Variants in PDIA6 observed in about 807,000 individuals in gnomAD.
The protein encoded by PDIA6 is protein disulfide-isomerase A6.
A neutral mutation model predicts 58.4 loss-of-function variants in PDIA6; 29 were observed. The ratio of observed to expected loss-of-function variants is 0.50; its 90% CI spans 0.37 to 0.68. The LOEUF is 0.68. PDIA6 is among the 30% of genes least tolerant of loss of function. PDIA6 has a pLI of 0.00. For synonymous variants in PDIA6, 192 were observed against 202.6 expected (o/e 0.95, Z 0.44); for missense variants, 480 against 551.0 (o/e 0.87, Z 1.29).
chr2:10,784,250 T>C lies in PDIA6; in HGVS notation c.*8A>G, dbSNP rs754632785. On this transcript the variant is annotated 3_prime_UTR_variant, in exon 13 of 13. Coordinates refer to ENST00000272227, the MANE Select transcript of PDIA6 (RefSeq NM_005742.4). ...AAAGAAAATGGTCTGAAGCCTCTGT[T>C]GTGGCTCTCACAACTCATCTTTCCC... 1 of 1,609,832 alleles carries C rather than the reference T, an allele frequency of 6.2e-7. No individual in the cohort carries two copies. The highest frequency in any genetic ancestry group is 1.1e-5 in the South Asian group (1 of 90,674).
intron 3 of PDIA6, 105 bp downstream of exon 3, chr2:10,797,595 C>A: frequency 1.3e-6 from 1 of 773,944 alleles, no homozygotes; most frequent in Non-Finnish European, 2.2e-6. Flanking sequence ...AACATTAAAC[C>A]ATCTGCATAC....
At chr2:10,810,261 A>G in intron 1 of PDIA6, 1 of 1,519,390 alleles carries the variant, frequency 6.6e-7, no homozygotes, top group South Asian at 1.2e-5. Flanking sequence ...ATATAATTAG[A>G]TAGACCCAAA....
chr2:10,792,401 G>C (rs903492886), intron 5 of PDIA6, among the ~76,000 whole-genome samples: 1 of 152,160 alleles, frequency 6.6e-6, no homozygotes, highest in Non-Finnish European at 1.5e-5. Flanking sequence ...AGTCAGCATT[G>C]CTTTCTGTTG....
upstream of PDIA6, among the ~76,000 whole-genome samples, chr2:10,817,086 A>T (rs1667220211): frequency 6.6e-6 from 1 of 152,206 alleles, no homozygotes; most frequent in Non-Finnish European, 1.5e-5. Context: ...GCACACACAC[A>T]CACCCGTGGC....
At chr2:10,810,112 C>G in intron 1 of PDIA6, 2 of 623,368 alleles carry the variant, frequency 3.2e-6, no homozygotes, top group Non-Finnish European at 5.7e-6. Flanking sequence ...GTAACACTTG[C>G]GTGACTCTGT....
At chr2:10,834,979 G>T (rs964017369), upstream of PDIA6, among the ~76,000 whole-genome samples, 1 of 152,036 alleles carries the variant, frequency 6.6e-6, no homozygotes, top group Non-Finnish European at 1.5e-5. Context: ...TGTTGGCCAG[G>T]CTGGTCTCGA....
intron 4 of PDIA6, 76 bp downstream of exon 4, chr2:10,797,005 G>C: frequency 8.1e-7 from 1 of 1,230,900 alleles, no homozygotes; most frequent in African/African-American, 1.5e-5. Context: ...TGCAGGTAGA[G>C]CAGGTTCTCA....
intron 2 of PDIA6, among the ~76,000 whole-genome samples, chr2:10,818,753 C>A (rs1667295777): frequency 6.6e-6 from 1 of 151,598 alleles, no homozygotes; most frequent in East Asian, 1.9e-4. Flanking sequence ...AAACTCCTGA[C>A]CTCAGGTGAT....
rs1051125995 is a variant in PDIA6, at chr2:10,784,838, C to T, written c.1254+96G>A. Reference sequence around the variant, plus strand: ...CCCACGGGTGCACCAGGGCTGAGGTCTGATGGGAAGGACTTGACTCCAGGT... The same window carrying T: ...CCCACGGGTGCACCAGGGCTGAGGTTTGATGGGAAGGACTTGACTCCAGGT... On this transcript the variant is annotated intron_variant, in intron 12 of 12. Coordinates refer to ENST00000272227, the MANE Select transcript of PDIA6 (RefSeq NM_005742.4). 4.5e-6 allele frequency: 4 copies of T among 893,092 alleles called. No individual in the cohort carries two copies. In the African/African-American group the frequency reaches 6.6e-5, roughly 15 times the overall value. 55.3% of individuals were successfully genotyped at this position (893,092 alleles called of 1,614,324 possible). A position where few individuals can be genotyped will look rare whatever the true frequency, so the allele number is the denominator to read the frequency against.
intron 2 of PDIA6, 142 bp from the exon 3 acceptor site, chr2:10,797,899 T>A (rs1440433033): frequency 6.1e-6 from 4 of 657,182 alleles, no homozygotes; most frequent in Non-Finnish European, 1.0e-5. Flanking sequence ...TAAAACAGGA[T>A]CAAGGCCGGG....
At chr2:10,784,600 C>A in intron 12 of PDIA6, 1 of 518,104 alleles carries the variant, frequency 1.9e-6, no homozygotes, top group Non-Finnish European at 3.4e-6. Flanking sequence ...CACAACAGTA[C>A]AGAAATAAGT....
chr2:10,818,906 A>G lies in PDIA6; in HGVS notation c.34+368T>C, dbSNP rs1667301161. 2.0e-5 allele frequency among the ~76,000 whole-genome samples: 3 copies of G among 151,852 alleles called. No individual in the cohort carries two copies. In the South Asian group the frequency reaches 6.2e-4, roughly 32 times the overall value. The stretch of plus-strand genomic sequence containing the variant: ...ACCTTCATCTCCAGAGCTTTTTATC[A>G]CCCCAAACTGAAACTCTATCCCCAT... On this transcript the variant is annotated intron_variant, in intron 2 of 13. Coordinates refer to the PDIA6 transcript ENST00000381611.
chr2:10,802,468 A>G (rs1666553156), intron 2 of PDIA6, 31 bp downstream of exon 2: 9 of 1,276,828 alleles, frequency 7.0e-6, no homozygotes, highest in Non-Finnish European at 9.2e-6. Context: ...AAAGTACTAT[A>G]AATAATCTAC....
chr2:10,822,191 G>A (rs905478985), intron 1 of PDIA6, among the ~76,000 whole-genome samples: 9 of 151,870 alleles, frequency 5.9e-5, no homozygotes, highest in African/African-American at 1.2e-4. Context: ...AGCCTACCTC[G>A]GCCTGCTAGA....
rs1213410307 is a variant in PDIA6 at position 10,797,069 on chromosome 2, A to G, written c.346+12T>C. ...CTACCAGGGGAATGAAGTAGCTAGG[A>G]AAAGTCCTTACCTTGGTAATCTTCT... is the stretch of plus-strand genomic sequence containing the variant. On this transcript the variant is annotated intron_variant, in intron 4 of 12. Coordinates refer to ENST00000272227, the MANE Select transcript of PDIA6 (RefSeq NM_005742.4). 1 of 1,612,476 alleles carries G rather than the reference A, an allele frequency of 6.2e-7. No homozygotes were observed. The highest frequency in any genetic ancestry group is 1.7e-5 in the Admixed American group (1 of 59,848).
chr2:10,810,463 GTCCT>G (rs1450750677), intron 1 of PDIA6: 2 of 1,334,256 alleles, frequency 1.5e-6, no homozygotes, highest in African/African-American at 3.0e-5. Context: ...CCTTAGGAAT[GTCCT>G]TCCCTTTCCG....
chr2:10,786,223 T>C (rs1050779277), intron 11 of PDIA6, among the ~76,000 whole-genome samples: 5 of 151,568 alleles, frequency 3.3e-5, no homozygotes. Context: ...CTCAGGAGGC[T>C]GAGGCAGGAG....
In PDIA6 at chr2:10,810,111, G is replaced by A. The variant is rs140643794; in HGVS notation, c.19+2567C>T. 560 of 621,616 alleles carry A rather than the reference G, an allele frequency of 9.0e-4. 12 individuals are homozygous for A. In the East Asian group the frequency reaches 0.015, roughly 17 times the overall value. The allele number at this position is 621,616 out of a possible 1,614,324, so 38.5% of individuals were successfully genotyped here. ...CTGGCGAGACAAAACAGTAACACTTGCGTGACTCTGTATCAGGCATTTTTC... is the reference window on the plus strand; with the variant it reads ...CTGGCGAGACAAAACAGTAACACTTACGTGACTCTGTATCAGGCATTTTTC... On this transcript the variant is annotated intron_variant, in intron 1 of 12. Coordinates refer to ENST00000272227, the MANE Select transcript of PDIA6 (RefSeq NM_005742.4).
At chr2:10,803,699 A>G (rs903787863) in intron 1 of PDIA6, among the ~76,000 whole-genome samples, 1 of 152,178 alleles carries the variant, frequency 6.6e-6, no homozygotes, top group Non-Finnish European at 1.5e-5. Context: ...TTAAGAACCC[A>G]AAAGTTCTCT....
Sources: gnomAD v4.1 joint callset for allele counts (sites outside exome capture counted in the v4.1 genomes callset) on GRCh38, gnomAD v4.1.1 for gene constraint, MANE v1.5 for transcripts, NCBI Gene and HGNC (gene_info 2026-07-23, HGNC 2026-07-21) for gene names.